Variants in ITGA6 observed in about 807,000 individuals in gnomAD.
ITGA6 encodes the protein integrin subunit alpha 6.
ITGA6 carries 63 observed loss-of-function variants against 133.6 expected under a neutral mutation model. That is an observed-to-expected ratio of 0.47 (90% CI 0.38 to 0.58). ITGA6 has a LOEUF of 0.58. Among genes scored for constraint, ITGA6 ranks in the 20% least tolerant of loss-of-function variants. The probability of loss-of-function intolerance (pLI) is 0.00; values close to 1 mark genes in which losing one functional copy is unlikely to be tolerated. For synonymous variants in ITGA6, 434 were observed against 482.0 expected, an observed-to-expected ratio of 0.90 and a Z score of 1.30; for missense variants, 1,068 against 1,309.4, an observed-to-expected ratio of 0.82 and a Z score of 2.85.
rs763714661 is a variant in ITGA6 at position 172,501,810 on chromosome 2, T to A, written c.3153T>A (p.Asp1051Glu). The change falls in exon 25 of 26, where the codon GAT becomes GAA. Residue 1051 changes from aspartate (D) to glutamate (E), a missense_variant. By Grantham distance (45) the Asp-to-Glu change is conservative. Transcript: ENST00000684293. ...FFKRNKKDHYDATYHKAEIHA... is the reference protein window; with the variant it reads ...FFKRNKKDHYEATYHKAEIHA... ...AGAGAAATAAGAAAGATCATTATGA[T>A]GCCACATATCACAAGGCTGAGATCC... The A allele has an allele frequency of 8.1e-6, 13 of 1,612,624 alleles. No homozygotes were observed. The South Asian group carries it at 1.4e-4, about 18-fold the overall frequency.
chr2:172,480,318 C>G (rs1686379153), intron 11 of ITGA6, among the ~76,000 whole-genome samples: 1 of 152,172 alleles, frequency 6.6e-6, no homozygotes, highest in Admixed American at 6.5e-5. Flanking sequence ...TTTGCTACCA[C>G]AACCATTTCC....
chr2:172,444,394 T>A (rs1296813473), intron 1 of ITGA6, among the ~76,000 whole-genome samples: 2 of 152,200 alleles, frequency 1.3e-5, no homozygotes, highest in Non-Finnish European at 2.9e-5. Context: ...ACTTTCATTC[T>A]GGTTGGTGCA....
chr2:172,487,887 C>T, intron 17 of ITGA6, 74 bp from the exon 18 acceptor site: 1 of 1,497,190 alleles, frequency 6.7e-7, no homozygotes, highest in Non-Finnish European at 9.3e-7. Context: ...TGATCTACCT[C>T]ATAAAAGAAG....
At chr2:172,438,609 C>T (rs1684418317) in intron 1 of ITGA6, among the ~76,000 whole-genome samples, 1 of 151,794 alleles carries the variant, frequency 6.6e-6, no homozygotes. Flanking sequence ...ATAGCACCTA[C>T]CTCAGAGGGT....
At chr2:172,457,403 A>C (rs1574347493) in intron 1 of ITGA6, among the ~76,000 whole-genome samples, 1 of 152,236 alleles carries the variant, frequency 6.6e-6, no homozygotes, top group South Asian at 2.1e-4. Flanking sequence ...AAACTTTAAA[A>C]CATCCTGGAA....
intron 11 of ITGA6, among the ~76,000 whole-genome samples, chr2:172,482,865 C>CGTGT (rs111978429): frequency 6.6e-6 from 1 of 151,900 alleles, no homozygotes; most frequent in African/African-American, 2.4e-5. Context: ...AATGTCACAT[C>CGTGT]GTGTGTGTGC....
chr2:172,493,119 G>A (rs1171081311), intron 23 of ITGA6, among the ~76,000 whole-genome samples: 2 of 151,886 alleles, frequency 1.3e-5, no homozygotes, highest in Admixed American at 6.6e-5. Flanking sequence ...TGTTGCCCAG[G>A]CTGGTCTTTA....
chr2:172,476,782 AAC>A (rs1352815433), intron 9 of ITGA6, among the ~76,000 whole-genome samples: 1 of 152,228 alleles, frequency 6.6e-6, no homozygotes, highest in Non-Finnish European at 1.5e-5. Flanking sequence ...AAAAAAACAA[AAC>A]ACATATAAAA....
Position 172,474,662 on chromosome 2 carries a change from G to T in ITGA6, c.987-267G>T, listed in dbSNP as rs113628243. ...GATATGTGGCTGTTGGTGCCAGTTG[G>T]GGGGGTTAGAACAGTGAGGTCTTAA... On this transcript the variant is annotated intron_variant, in intron 6 of 25. Transcript: ENST00000684293. Among the ~76,000 whole-genome samples the T allele has an allele frequency of 2.3e-3, 350 of 152,292 alleles. 2 individuals carry two copies. The highest frequency in any genetic ancestry group is 7.2e-3 in the African/African-American group (299 of 41,556).
chr2:172,463,724 T>TG (rs1280591113), intron 1 of ITGA6, among the ~76,000 whole-genome samples: 2 of 152,194 alleles, frequency 1.3e-5, no homozygotes, highest in African/African-American at 4.8e-5. Context: ...GTGAAAGTCC[T>TG]GGGGTTCTGG....
Position 172,427,625 on chromosome 2 carries a change from G to A in ITGA6, c.-164G>A, listed in dbSNP as rs1321357589. The A allele has an allele frequency of 3.1e-6, 4 of 1,283,216 alleles. No homozygotes were observed. In the South Asian group the frequency reaches 7.6e-5, roughly 24 times the overall value. 79.5% of individuals were successfully genotyped at this position (1,283,216 alleles called of 1,614,324 possible). On this transcript the variant is annotated 5_prime_UTR_variant, in exon 1 of 26. Transcript: ENST00000684293. ...GCGGTCGCGAGCTGCCCGCGAGGGG[G>A]AGCGGCCGGACGGAGAGCGCGACCC...
intron 3 of ITGA6, 73 bp from the exon 4 acceptor site, chr2:172,469,052 T>C: frequency 6.6e-7 from 1 of 1,512,542 alleles, no homozygotes; most frequent in Non-Finnish European, 9.2e-7. Context: ...TATTGACCAT[T>C]TTATTCATAT....
chr2:172,434,716 G>A (rs1245284520), intron 1 of ITGA6, among the ~76,000 whole-genome samples: 2 of 152,086 alleles, frequency 1.3e-5, no homozygotes, highest in Non-Finnish European at 2.9e-5. Flanking sequence ...GTATCTGCTT[G>A]CATGTTTATT....
chr2:172,474,863 C>A, intron 6 of ITGA6, 66 bp from the exon 7 acceptor site: 1 of 814,448 alleles, frequency 1.2e-6, no homozygotes, highest in Non-Finnish European at 2.2e-6. Flanking sequence ...ATCCTTAGTA[C>A]CTAGACTGGT....
chr2:172,477,322 T>C (rs911229568), intron 9 of ITGA6, among the ~76,000 whole-genome samples: 6 of 152,234 alleles, frequency 3.9e-5, no homozygotes, highest in African/African-American at 1.4e-4. Context: ...TCATCACTGC[T>C]GGAAATCACC....
chr2:172,438,057 T>C (rs530326600), intron 1 of ITGA6, among the ~76,000 whole-genome samples: 3 of 151,754 alleles, frequency 2.0e-5, no homozygotes, highest in Admixed American at 6.6e-5. Flanking sequence ...TTGGAGACCA[T>C]AGGAACTCTT....
rs16860527 is a variant in ITGA6 at position 172,480,149 on chromosome 2, G to A, written c.1549+98G>A. 5,412 of 747,136 alleles carry A rather than the reference G, an allele frequency of 7.2e-3. 194 individuals carry two copies. The African/African-American group carries it at 0.081, about 11-fold the overall frequency. 46.3% of individuals were successfully genotyped at this position (747,136 alleles called of 1,614,324 possible). A position where few individuals can be genotyped will look rare whatever the true frequency, so the allele number is the denominator to read the frequency against. ...AAAATAAAACTGCAGTGGCCAACATGGGTCTGTCAATTCTGGTGTAAAGAA... is the reference window on the plus strand; with the variant it reads ...AAAATAAAACTGCAGTGGCCAACATAGGTCTGTCAATTCTGGTGTAAAGAA... On this transcript the variant is annotated intron_variant, in intron 11 of 25. Transcript: ENST00000684293.
intron 3 of ITGA6, among the ~76,000 whole-genome samples, 191 bp downstream of exon 3, chr2:172,467,751 C>T (rs1244081097): frequency 6.6e-6 from 1 of 152,182 alleles, no homozygotes; most frequent in Non-Finnish European, 1.5e-5. Flanking sequence ...CTTTGTGAGG[C>T]CAAGGCGGGC....
chr2:172,482,409 C>A lies in ITGA6; in HGVS notation c.1549+2358C>A, dbSNP rs560672813. ...TTATTGTTTGACTGGGCTATTTTAG[C>A]TCAGCAGTCCTCAGATGTGGTGTTC... On this transcript the variant is annotated intron_variant, in intron 11 of 25. Coordinates refer to ENST00000684293, the MANE Select transcript of ITGA6 (RefSeq NM_000210.4). 2.6e-5 allele frequency among the ~76,000 whole-genome samples: 4 copies of A among 152,288 alleles called. No homozygotes were observed. The East Asian group carries it at 7.7e-4, about 29-fold the overall frequency.
Sources: allele counts gnomAD v4.1 joint callset (sites outside exome capture counted in the v4.1 genomes callset), GRCh38; gene constraint gnomAD v4.1.1; transcripts MANE v1.5; gene names NCBI Gene and HGNC (gene_info 2026-07-23, HGNC 2026-07-21).